The following BABAM2 variants were observed in gnomAD, a reference collection of about 807,000 sequenced individuals.
BABAM2 encodes BRISC and BRCA1 A complex member 2, also known as BRISC and BRCA1-A complex member 2.
BABAM2 carries 31 observed loss-of-function variants against 54.7 expected under a neutral mutation model. The ratio of observed to expected loss-of-function variants is 0.57; its 90% CI spans 0.43 to 0.77. The LOEUF (loss-of-function observed/expected upper bound fraction) is 0.77. BABAM2 is among the 30% of genes least tolerant of loss of function. The pLI is 0.00. For missense variants in BABAM2, 364 were observed against 455.8 expected (o/e 0.80, Z 1.83); for synonymous variants, 167 against 162.9 (o/e 1.03, Z -0.19).
chr2:28,267,046 C>T (rs1235587454), intron 10 of BABAM2, among the ~76,000 whole-genome samples: 6 of 152,108 alleles, frequency 3.9e-5, no homozygotes, highest in African/African-American at 7.2e-5. Context: ...ATCCCAGCTA[C>T]GTGGGAGGCT....
intron 10 of BABAM2, among the ~76,000 whole-genome samples, chr2:28,277,023 C>T (rs1313965791): frequency 6.6e-6 from 1 of 152,160 alleles, no homozygotes; most frequent in Non-Finnish European, 1.5e-5. Context: ...CCCGTGCAGC[C>T]TCATGCTTGG....
intron 10 of BABAM2, among the ~76,000 whole-genome samples, chr2:28,251,932 C>T (rs955397051): frequency 4.6e-5 from 7 of 152,000 alleles, no homozygotes; most frequent in South Asian, 2.1e-4. Flanking sequence ...GGCTCATGCC[C>T]GTAATCCCAG....
At chr2:28,269,528 T>C (rs1685243922) in intron 10 of BABAM2, among the ~76,000 whole-genome samples, 1 of 152,204 alleles carries the variant, frequency 6.6e-6, no homozygotes, top group South Asian at 2.1e-4. Context: ...CTTTGGGAAA[T>C]ACCTAGTTGG....
chr2:27,965,272 G>A lies in BABAM2; in HGVS notation c.206-22721G>A, dbSNP rs190323877. Among the ~76,000 whole-genome samples, 394 of 152,176 alleles carry A rather than the reference G, an allele frequency of 2.6e-3. 1 individual carries two copies. The highest frequency in any genetic ancestry group is 8.9e-3 in the African/African-American group (369 of 41,518). ...TCAACGTAAATTATATTGGTTTACC[G>A]TGTGAAATCAAATCTTGGTGGCAAT... On this transcript the variant is annotated intron_variant, in intron 3 of 11. Transcript: ENST00000379624.
intron 10 of BABAM2, among the ~76,000 whole-genome samples, chr2:28,287,447 A>C (rs1686920075): frequency 6.6e-6 from 1 of 152,202 alleles, no homozygotes; most frequent in South Asian, 2.1e-4. Context: ...GTACATGTCT[A>C]GTGCAGTCCC....
intron 7 of BABAM2, among the ~76,000 whole-genome samples, chr2:28,148,254 G>A (rs1485807481): frequency 6.6e-6 from 1 of 152,210 alleles, no homozygotes; most frequent in Non-Finnish European, 1.5e-5. Context: ...CTGATGTGAT[G>A]CCCTTTGAAT....
chr2:28,086,704 T>G (rs1665672150), intron 6 of BABAM2, among the ~76,000 whole-genome samples: 1 of 152,224 alleles, frequency 6.6e-6, no homozygotes, highest in Non-Finnish European at 1.5e-5. Flanking sequence ...TGTAAGAACT[T>G]ATTTAAGATG....
At chr2:28,023,364 G>A (rs1329857974) in intron 4 of BABAM2, among the ~76,000 whole-genome samples, 2 of 152,120 alleles carry the variant, frequency 1.3e-5, no homozygotes, top group African/African-American at 2.4e-5. Context: ...ATGAAATATT[G>A]TATTTTATTC....
chr2:27,991,013 A>C (rs1271289916), intron 4 of BABAM2, among the ~76,000 whole-genome samples: 1 of 152,160 alleles, frequency 6.6e-6, no homozygotes, highest in Non-Finnish European at 1.5e-5. Flanking sequence ...TGAGATTTTC[A>C]GATAAATGGA....
At chr2:27,955,027 G>A (rs1166294900) in intron 3 of BABAM2, among the ~76,000 whole-genome samples, 1 of 152,112 alleles carries the variant, frequency 6.6e-6, no homozygotes, top group Non-Finnish European at 1.5e-5. Context: ...GCAGGGGGCA[G>A]TATTATTAAA....
At chr2:28,011,405 G>T (rs1177063023) in intron 4 of BABAM2, among the ~76,000 whole-genome samples, 1 of 151,998 alleles carries the variant, frequency 6.6e-6, no homozygotes, top group Admixed American at 6.6e-5. Flanking sequence ...AAGAGCCTGG[G>T]GTAGTCTCGT....
At chr2:28,056,698 A>G (rs1459039168) in intron 6 of BABAM2, among the ~76,000 whole-genome samples, 1 of 152,192 alleles carries the variant, frequency 6.6e-6, no homozygotes, top group Non-Finnish European at 1.5e-5. Context: ...AAAAGCAGCT[A>G]TGGCTTACAG....
At chr2:27,920,556 G>A (rs150011895) in intron 2 of BABAM2, among the ~76,000 whole-genome samples, 1 of 151,990 alleles carries the variant, frequency 6.6e-6, no homozygotes. Flanking sequence ...TTTAAAAGGT[G>A]GTTATTGATC....
rs140957585 is a variant in BABAM2 at position 27,912,966 on chromosome 2, C to A, written c.129-16866C>A. ...ATGTTTGTTACTGTTGTGGGAAAAC[C>A]AAGATGAATAGGGAGATTAGAAGAC... On this transcript the variant is annotated intron_variant, in intron 2 of 11. Coordinates refer to ENST00000379624, the MANE Select transcript of BABAM2 (RefSeq NM_199191.3). 5.7e-3 allele frequency among the ~76,000 whole-genome samples: 871 copies of A among 152,056 alleles called. 7 individuals are homozygous for A. The highest frequency in any genetic ancestry group is 0.02 in the African/African-American group (827 of 41,490).
intron 3 of BABAM2, among the ~76,000 whole-genome samples, chr2:27,958,718 T>C (rs1670266119): frequency 2.0e-5 from 3 of 152,120 alleles, no homozygotes; most frequent in Non-Finnish European, 4.4e-5. Flanking sequence ...TTTAGCTTCT[T>C]GCCTAACAAA....
At chr2:28,099,056 AG>A (rs1666852475) in intron 6 of BABAM2, among the ~76,000 whole-genome samples, 1 of 152,232 alleles carries the variant, frequency 6.6e-6, no homozygotes, top group Admixed American at 6.5e-5. Flanking sequence ...CCTTTCTCAT[AG>A]GAAGATAATA....
intron 2 of BABAM2, among the ~76,000 whole-genome samples, chr2:27,913,599 A>G (rs1337208037): frequency 6.6e-6 from 1 of 152,166 alleles, no homozygotes; most frequent in African/African-American, 2.4e-5. Context: ...TTACATATAT[A>G]TACACACACC....
At chr2:28,091,279 T>A (rs1350757026) in intron 6 of BABAM2, among the ~76,000 whole-genome samples, 1 of 152,234 alleles carries the variant, frequency 6.6e-6, no homozygotes, top group South Asian at 2.1e-4. Context: ...GAGAGTCTTT[T>A]AACCAGATGG....
At chr2:28,173,411 G>T (rs955957650) in intron 7 of BABAM2, among the ~76,000 whole-genome samples, 6 of 152,210 alleles carry the variant, frequency 3.9e-5, no homozygotes, top group African/African-American at 1.4e-4. Context: ...TAGGCTGCCA[G>T]TTCGTCCCCC....
Sources: gnomAD v4.1 joint callset for allele counts (sites outside exome capture counted in the v4.1 genomes callset) on GRCh38, gnomAD v4.1.1 for gene constraint, MANE v1.5 for transcripts, NCBI Gene and HGNC (gene_info 2026-07-23, HGNC 2026-07-21) for gene names.